The following AUTS2 variants were observed in gnomAD, a reference collection of about 807,000 sequenced individuals.
The protein encoded by AUTS2 is autism susceptibility gene 2 protein.
In AUTS2, 17 loss-of-function variants were observed where a neutral mutation model predicts 112.4. The ratio of observed to expected loss-of-function variants is 0.15; its 90% CI spans 0.10 to 0.23. The LOEUF (loss-of-function observed/expected upper bound fraction) is 0.23, where lower values mean the gene tolerates loss of function less well. Among genes scored for constraint, AUTS2 ranks in the 10% least tolerant of loss-of-function variants. The probability of loss-of-function intolerance (pLI) is 1.00; values close to 1 mark genes in which losing one functional copy is unlikely to be tolerated. For missense variants in AUTS2, 1,510 were observed against 1,701.6 expected (o/e 0.89, Z 1.98); for synonymous variants, 751 against 702.7 (o/e 1.07, Z -1.09).
chr7:69,623,123 T>C (rs550585608), intron 1 of AUTS2, among the ~76,000 whole-genome samples: 1 of 152,340 alleles, frequency 6.6e-6, no homozygotes, highest in East Asian at 1.9e-4. Flanking sequence ...CTATACTCCA[T>C]GGTAACTTGG....
chr7:70,700,749 C>T (rs1809409252), intron 6 of AUTS2, among the ~76,000 whole-genome samples: 1 of 152,148 alleles, frequency 6.6e-6, no homozygotes, highest in Admixed American at 6.5e-5. Flanking sequence ...GCAGAGTCTC[C>T]TTATAGGCTT....
chr7:69,991,731 A>C (rs144016730), intron 2 of AUTS2, among the ~76,000 whole-genome samples: 1 of 152,324 alleles, frequency 6.6e-6, no homozygotes, highest in African/African-American at 2.4e-5. Context: ...GTTAGAGCTA[A>C]GAAAGGCCTT....
At chr7:69,972,670 C>CGTGTGT (rs1563005976) in intron 2 of AUTS2, among the ~76,000 whole-genome samples, 5 of 111,650 alleles carry the variant, frequency 4.5e-5, no homozygotes, top group South Asian at 3.2e-4. Flanking sequence ...TGTGTGCGTG[C>CGTGTGT]ATGTGTGTGT....
rs367964386 is a variant in AUTS2 at position 70,780,421 on chromosome 7, G to GTT, written c.2005-1183_2005-1182dup. 3.0e-3 allele frequency among the ~76,000 whole-genome samples: 434 copies of GTT among 145,494 alleles called. 2 individuals are homozygous for GTT. Among genetic ancestry groups the GTT allele is most frequent in the Non-Finnish European group, 4.0e-3 (265 of 65,516 alleles). On this transcript the variant is annotated intron_variant, in intron 14 of 18. Transcript: ENST00000342771. ...TGATAAGGACTTCACACAAGAGTTTGTTTTTTTTTTTTGGAGACAGCCTCG... is the reference window on the plus strand; with the variant it reads ...TGATAAGGACTTCACACAAGAGTTTGTTTTTTTTTTTTTTGGAGACAGCCTCG...
chr7:70,308,036 G>T (rs1350328536), intron 4 of AUTS2, among the ~76,000 whole-genome samples: 1 of 152,170 alleles, frequency 6.6e-6, no homozygotes, highest in Admixed American at 6.6e-5. Flanking sequence ...TAGAAGTTTT[G>T]AAAGTTGTGT....
At chr7:69,920,363 C>T (rs1173320763) in intron 2 of AUTS2, among the ~76,000 whole-genome samples, 1 of 151,872 alleles carries the variant, frequency 6.6e-6, no homozygotes, top group East Asian at 1.9e-4. Context: ...TACAATCTCA[C>T]TGCAGTCTGA....
intron 4 of AUTS2, among the ~76,000 whole-genome samples, chr7:70,420,226 C>G (rs1795161351): frequency 6.6e-6 from 1 of 152,196 alleles, no homozygotes; most frequent in Non-Finnish European, 1.5e-5. Flanking sequence ...TCTTTCAGGG[C>G]AGACAACGAG....
intron 1 of AUTS2, among the ~76,000 whole-genome samples, chr7:69,831,960 T>C (rs1791519107): frequency 6.6e-6 from 1 of 152,242 alleles, no homozygotes; most frequent in African/African-American, 2.4e-5. Context: ...TTTCAGGGTT[T>C]TAACTCATTC....
intron 2 of AUTS2, among the ~76,000 whole-genome samples, chr7:70,004,675 C>T (rs541818972): frequency 5.3e-5 from 8 of 151,406 alleles, no homozygotes; most frequent in African/African-American, 1.5e-4. Context: ...TGTTTTAAAA[C>T]TGCTTTTTGG....
chr7:69,992,294 A>G (rs1056843387), intron 2 of AUTS2, among the ~76,000 whole-genome samples: 2 of 152,238 alleles, frequency 1.3e-5, no homozygotes, highest in Non-Finnish European at 1.5e-5. Flanking sequence ...TTAAACTCAA[A>G]TCTTCTGAAT....
chr7:69,718,013 A>G (rs1032782696), intron 1 of AUTS2, among the ~76,000 whole-genome samples: 23 of 152,198 alleles, frequency 1.5e-4, no homozygotes, highest in African/African-American at 5.1e-4. Flanking sequence ...TTGGGAGTCT[A>G]CTATGTACCA....
chr7:70,358,370 G>A (rs1446879442), intron 4 of AUTS2, among the ~76,000 whole-genome samples: 1 of 152,228 alleles, frequency 6.6e-6, no homozygotes, highest in Admixed American at 6.5e-5. Flanking sequence ...TACACATGGA[G>A]GCCCAGCTTA....
At position 70,250,698 on chromosome 7, in the gene AUTS2, A is replaced by T. The variant is rs554320556; in HGVS notation, c.660+116127A>T. Among the ~76,000 whole-genome samples, 17 of 152,314 alleles carry T rather than the reference A, an allele frequency of 1.1e-4. No homozygotes were observed. The East Asian group carries it at 3.1e-3, about 28-fold the overall frequency. Reference sequence around the variant, plus strand: ...CACCATGCAGCCACTAAAGAATGAGATCATACCCTTTGCAGCAACATTGAC... The same window carrying T: ...CACCATGCAGCCACTAAAGAATGAGTTCATACCCTTTGCAGCAACATTGAC... On this transcript the variant is annotated intron_variant, in intron 4 of 18. Transcript: ENST00000342771.
chr7:70,731,437 T>C (rs1787383186), intron 6 of AUTS2, among the ~76,000 whole-genome samples: 1 of 134,554 alleles, frequency 7.4e-6, no homozygotes, highest in Non-Finnish European at 1.6e-5. Context: ...TTTTTTTTTT[T>C]TTTTTTTTTT....
At chr7:69,876,374 A>ATG (rs1409952268) in intron 1 of AUTS2, among the ~76,000 whole-genome samples, 9 of 115,828 alleles carry the variant, frequency 7.8e-5, no homozygotes, top group African/African-American at 3.0e-4. Context: ...ATATATATAT[A>ATG]TATATATATG....
chr7:69,886,670 C>T (rs967723462), intron 1 of AUTS2, among the ~76,000 whole-genome samples: 4 of 152,046 alleles, frequency 2.6e-5, no homozygotes, highest in African/African-American at 9.7e-5. Flanking sequence ...TTACTTCTAG[C>T]CACCACCCCT....
At chr7:69,896,213 C>T (rs1794734824) in intron 1 of AUTS2, among the ~76,000 whole-genome samples, 1 of 152,220 alleles carries the variant, frequency 6.6e-6, no homozygotes. Context: ...TTCAATTCAG[C>T]AGCCATTCAT....
At chr7:70,003,206 A>G (rs1356469013) in intron 2 of AUTS2, among the ~76,000 whole-genome samples, 1 of 135,332 alleles carries the variant, frequency 7.4e-6, no homozygotes, top group South Asian at 2.2e-4. Context: ...TATATTATAT[A>G]TGAATATATT....
intron 4 of AUTS2, among the ~76,000 whole-genome samples, chr7:70,188,527 A>G (rs1455299491): frequency 6.6e-6 from 1 of 152,204 alleles, no homozygotes; most frequent in African/African-American, 2.4e-5. Flanking sequence ...TGGATCATCC[A>G]TGAGCCCATC....
Sources: allele counts gnomAD v4.1 joint callset (sites outside exome capture counted in the v4.1 genomes callset), GRCh38; gene constraint gnomAD v4.1.1; transcripts MANE v1.5; gene names NCBI Gene and HGNC (gene_info 2026-07-23, HGNC 2026-07-21).